Variants in TECPR2 observed in about 807,000 individuals in gnomAD.
TECPR2 encodes the protein tectonin beta-propeller repeat containing 2, also known as tectonin beta-propeller repeat-containing protein 2.
In TECPR2, 65 loss-of-function variants were observed where a neutral mutation model predicts 138.1. The observed-to-expected ratio is 0.47, with a 90% CI of 0.39 to 0.58. TECPR2 has a LOEUF of 0.58. TECPR2 is among the 20% of genes least tolerant of loss of function. The pLI is 0.00. For synonymous variants in TECPR2, 746 were observed against 749.8 expected, an observed-to-expected ratio of 0.99 and a Z score of 0.08; for missense variants, 1,553 against 1,824.5, an observed-to-expected ratio of 0.85 and a Z score of 2.71.
chr14:102,409,052 A>G (rs867228620), intron 4 of TECPR2, among the ~76,000 whole-genome samples: 1 of 152,322 alleles, frequency 6.6e-6, no homozygotes, highest in South Asian at 2.1e-4. Flanking sequence ...TATGGTGAAG[A>G]TGAAGAAACT....
chr14:102,435,074 G>A lies in TECPR2; in HGVS notation c.2257G>A (p.Asp753Asn). Residue 753 changes from aspartate (D) to asparagine (N), a missense_variant, in exon 9 of 20, where the codon GAT (aspartate) becomes AAT (asparagine). Transcript: ENST00000359520. ...ACGGGATCAGACATTGACGTCCAGC[G>A]ATGAGGAGGACATCTATGCCCACGG... ...PPRDQTLTSS[D>N]EEDIYAHGLP... 1.9e-6 allele frequency: 3 copies of A among 1,613,994 alleles called. No homozygotes were observed. Among genetic ancestry groups the A allele is most frequent in the South Asian group, 1.1e-5 (1 of 91,086 alleles).
chr14:102,363,306 A>G (rs945040629), intron 1 of TECPR2, among the ~76,000 whole-genome samples, 190 bp downstream of exon 1: 9 of 152,088 alleles, frequency 5.9e-5, no homozygotes, highest in African/African-American at 1.9e-4. Flanking sequence ...AAATGCCACA[A>G]CACACGGAGC....
chr14:102,439,784 G>A (rs1010385300), intron 10 of TECPR2, among the ~76,000 whole-genome samples: 7 of 152,218 alleles, frequency 4.6e-5, no homozygotes, highest in East Asian at 1.9e-4. Flanking sequence ...GCTGACACTC[G>A]GTGATCACTG....
At chr14:102,367,865 A>G (rs1196937467) in intron 1 of TECPR2, among the ~76,000 whole-genome samples, 15 of 151,996 alleles carry the variant, frequency 9.9e-5, no homozygotes, top group Admixed American at 9.8e-4. Flanking sequence ...CAATGTATAC[A>G]GTTTTTTCCA....
In TECPR2 at chr14:102,491,626, C is replaced by A. The variant is rs147678982; in HGVS notation, c.3790-5353C>A. On this transcript the variant is annotated intron_variant, in intron 17 of 19. Transcript: ENST00000359520. The stretch of plus-strand genomic sequence containing the variant: ...GCCCTAGCAGCCACTCTGGCCTCAC[C>A]ACTGGGCTGCAGCCTCCCAGCCTCC... Among the ~76,000 whole-genome samples, 983 of 152,342 alleles carry A rather than the reference C, an allele frequency of 6.5e-3. 2 individuals carry two copies. The highest frequency in any genetic ancestry group is 0.01 in the Non-Finnish European group (685 of 68,030).
chr14:102,435,133 A>G lies in TECPR2; in HGVS notation c.2316A>G (p.Thr772=), dbSNP rs755252691. 3 of 1,613,444 alleles carry G rather than the reference A, an allele frequency of 1.9e-6. No homozygotes were observed. The highest frequency in any genetic ancestry group is 2.2e-5 in the South Asian group (2 of 91,086). Reference sequence around the variant, plus strand: ...CTTCATCCTCAGAGACGAGTGTGACAGAGCTCGGACCTAGTTGCTCCCAGC... The same window carrying G: ...CTTCATCCTCAGAGACGAGTGTGACGGAGCTCGGACCTAGTTGCTCCCAGC... ...LPSSSSETSV[T]ELGPSCSQQD... Residue 772 remains threonine (T), a synonymous_variant, in exon 9 of 20, where the codon ACA becomes ACG. Transcript: ENST00000359520.
At chr14:102,451,654 C>A (rs1346608614) in intron 15 of TECPR2, among the ~76,000 whole-genome samples, 2 of 152,092 alleles carry the variant, frequency 1.3e-5, no homozygotes, top group Non-Finnish European at 2.9e-5. Context: ...CTGGCATACC[C>A]ATTAGCTTAG....
intron 4 of TECPR2, among the ~76,000 whole-genome samples, chr14:102,409,591 G>A (rs1002582726): frequency 5.9e-5 from 9 of 151,970 alleles, no homozygotes; most frequent in Non-Finnish European, 7.4e-5. Flanking sequence ...GAGCCACCAC[G>A]CCCAGCCAAG....
At chr14:102,394,934 A>T (rs1214433144) in intron 2 of TECPR2, among the ~76,000 whole-genome samples, 1 of 152,054 alleles carries the variant, frequency 6.6e-6, no homozygotes, top group Non-Finnish European at 1.5e-5. Context: ...CGGCTTCCTG[A>T]CTTGCCCCAC....
chr14:102,401,926 A>G lies in TECPR2; in HGVS notation c.220-5412A>G, dbSNP rs545245250. On this transcript the variant is annotated intron_variant, in intron 2 of 19. Transcript: ENST00000359520. ...AAGGGATCGGGGTGGCTATTCTACT[A>G]TCAGACAAAAAGAGTTACAGAATTG... Among the ~76,000 whole-genome samples, 4 of 152,142 alleles carry G rather than the reference A, an allele frequency of 2.6e-5. No individual in the cohort carries two copies. In the South Asian group the frequency reaches 6.2e-4, roughly 24 times the overall value.
rs1245855073 is a variant in TECPR2, at chr14:102,414,718, C to T, written c.563C>T (p.Ser188Phe). The T allele has an allele frequency of 3.1e-6, 5 of 1,614,130 alleles. No individual in the cohort carries two copies. Among genetic ancestry groups the T allele is most frequent in the Non-Finnish European group, 4.2e-6 (5 of 1,180,052 alleles). Reference protein sequence around the residue: ...LDYSQKVLLVSTLQRSLLFYT... With the variant: ...LDYSQKVLLVFTLQRSLLFYT... Reference sequence around the variant, plus strand: ...TATAGCCAGAAAGTGCTGCTGGTCTCTACTCTGCAAAGAAGTCTGCTCTTT... The same window carrying T: ...TATAGCCAGAAAGTGCTGCTGGTCTTTACTCTGCAAAGAAGTCTGCTCTTT... Residue 188 changes from serine (S) to phenylalanine (F), a missense_variant, in exon 5 of 20, where the codon TCT (serine) becomes TTT (phenylalanine). Transcript: ENST00000359520.
chr14:102,394,959 G>A (rs528237894), intron 2 of TECPR2, among the ~76,000 whole-genome samples: 89 of 152,178 alleles, frequency 5.8e-4, no homozygotes, highest in African/African-American at 2.1e-3. Flanking sequence ...TCCTTCCGCC[G>A]TCCTGTCCTG....
At chr14:102,466,424 C>CA (rs1422810212) in intron 17 of TECPR2, among the ~76,000 whole-genome samples, 1 of 152,168 alleles carries the variant, frequency 6.6e-6, no homozygotes, top group Non-Finnish European at 1.5e-5. Flanking sequence ...TCCCTCTGCA[C>CA]ACGGTGACGT....
At chr14:102,432,243 A>G (rs2139727474) in intron 8 of TECPR2, 115 bp downstream of exon 8, 2 of 1,098,218 alleles carry the variant, frequency 1.8e-6, no homozygotes, top group East Asian at 2.6e-5. Flanking sequence ...CAGAGAACAC[A>G]TACATTTCTT....
chr14:102,447,488 C>T (rs1890014924), intron 13 of TECPR2, among the ~76,000 whole-genome samples: 1 of 152,164 alleles, frequency 6.6e-6, no homozygotes, highest in East Asian at 1.9e-4. Context: ...CACAGTCTCC[C>T]ACTGTGGTAG....
intron 2 of TECPR2, among the ~76,000 whole-genome samples, chr14:102,383,188 C>T (rs764086562): frequency 1.3e-5 from 2 of 152,200 alleles, no homozygotes; most frequent in Non-Finnish European, 2.9e-5. Context: ...TACCCCTCCC[C>T]AAGGTAACTA....
At chr14:102,393,026 T>G (rs1038507693) in intron 2 of TECPR2, among the ~76,000 whole-genome samples, 7 of 152,204 alleles carry the variant, frequency 4.6e-5, no homozygotes, top group African/African-American at 1.7e-4. Context: ...CACTTAGGGT[T>G]AGGTCCTTGG....
intron 2 of TECPR2, among the ~76,000 whole-genome samples, chr14:102,392,415 C>T (rs1888202801): frequency 2.0e-5 from 3 of 152,080 alleles, no homozygotes; most frequent in Admixed American, 2.0e-4. Context: ...TCAGATCTGT[C>T]ATCTAGTTCA....
At chr14:102,448,629 G>T (rs1890052244) in intron 13 of TECPR2, among the ~76,000 whole-genome samples, 1 of 152,156 alleles carries the variant, frequency 6.6e-6, no homozygotes, top group African/African-American at 2.4e-5. Context: ...ACTTTGGGAG[G>T]CCTGGGCGGG....
Sources: gnomAD v4.1 joint callset for allele counts (sites outside exome capture counted in the v4.1 genomes callset) on GRCh38, gnomAD v4.1.1 for gene constraint, MANE v1.5 for transcripts, NCBI Gene and HGNC (gene_info 2026-07-23, HGNC 2026-07-21) for gene names.